DNM3: variants seen among roughly 807,000 people sequenced by gnomAD.
DNM3 encodes dynamin 3.
In DNM3, 47 loss-of-function variants were observed where a neutral mutation model predicts 101.6. That is an observed-to-expected ratio of 0.46 (90% confidence interval 0.37 to 0.59). The LOEUF is 0.59. Among genes scored for constraint, DNM3 ranks in the 20% least tolerant of loss-of-function variants. DNM3 has a pLI of 0.00. For synonymous variants in DNM3, 385 were observed against 387.9 expected, an observed-to-expected ratio of 0.99 and a Z score of 0.09; for missense variants, 849 against 1,085.7, an observed-to-expected ratio of 0.78 and a Z score of 3.06.
At chr1:172,166,993 A>G (rs1211324390) in intron 14 of DNM3, among the ~76,000 whole-genome samples, 5 of 151,690 alleles carry the variant, frequency 3.3e-5, no homozygotes, top group African/African-American at 1.2e-4. Flanking sequence ...ATATGTATAC[A>G]TGTGCCATGT....
intron 14 of DNM3, among the ~76,000 whole-genome samples, chr1:172,214,918 C>A (rs1440429389): frequency 1.3e-5 from 2 of 152,002 alleles, no homozygotes; most frequent in Admixed American, 6.6e-5. Context: ...GAAAACAGAT[C>A]TATGGTGTAA....
intron 13 of DNM3, among the ~76,000 whole-genome samples, chr1:172,096,575 A>C (rs1038729917): frequency 5.3e-5 from 8 of 152,204 alleles, no homozygotes; most frequent in African/African-American, 1.9e-4. Flanking sequence ...AAGATTTATG[A>C]TTTAGGTACA....
chr1:172,168,045 T>C (rs968871066), intron 14 of DNM3, among the ~76,000 whole-genome samples: 1 of 152,024 alleles, frequency 6.6e-6, no homozygotes, highest in Admixed American at 6.6e-5. Flanking sequence ...GGAGTAATTA[T>C]ACTCTTTAGC....
rs1205680818 is a variant in DNM3, at chr1:172,060,017, T to C, written c.1336-8802T>C. On this transcript the variant is annotated intron_variant, in intron 10 of 20. Coordinates refer to ENST00000627582, the MANE Select transcript of DNM3 (RefSeq NM_015569.5). ...GCAAAGTCTCAGGATACAAAATCAA[T>C]GTACAGAAATCACAAGCATTCTTAT... is the stretch of plus-strand genomic sequence containing the variant. 2.0e-5 allele frequency among the ~76,000 whole-genome samples: 3 copies of C among 151,648 alleles called. No individual in the cohort carries two copies. In the East Asian group the frequency reaches 5.9e-4, roughly 30 times the overall value.
intron 2 of DNM3, among the ~76,000 whole-genome samples, chr1:171,984,321 T>C (rs926899573): frequency 3.3e-5 from 5 of 151,970 alleles, no homozygotes; most frequent in African/African-American, 1.2e-4. Context: ...CAGCGAAAAA[T>C]CAAAGTCCTT....
At chr1:171,943,940 T>C (rs1426016767) in intron 2 of DNM3, among the ~76,000 whole-genome samples, 1 of 152,236 alleles carries the variant, frequency 6.6e-6, no homozygotes, top group East Asian at 1.9e-4. Flanking sequence ...TATGAATGTA[T>C]TATTGATTTT....
At chr1:172,391,251 A>G (rs1422505873) in intron 20 of DNM3, among the ~76,000 whole-genome samples, 2 of 152,184 alleles carry the variant, frequency 1.3e-5, no homozygotes, top group Non-Finnish European at 2.9e-5. Context: ...GTACAGGGTA[A>G]AAGAGGAAAG....
chr1:172,207,140 G>A (rs1232901975), intron 14 of DNM3, among the ~76,000 whole-genome samples: 1 of 152,006 alleles, frequency 6.6e-6, no homozygotes, highest in Non-Finnish European at 1.5e-5. Context: ...TACTGCCTGA[G>A]GCAAGTAATT....
intron 13 of DNM3, among the ~76,000 whole-genome samples, chr1:172,120,975 T>C (rs545515293): frequency 1.3e-5 from 2 of 152,348 alleles, no homozygotes; most frequent in East Asian, 3.9e-4. Context: ...AGGTGTTTTT[T>C]TTCTTCCTCT....
intron 15 of DNM3, among the ~76,000 whole-genome samples, chr1:172,283,711 G>A (rs2063576460): frequency 7.5e-6 from 1 of 133,070 alleles, no homozygotes. Flanking sequence ...AGTGAGCTGA[G>A]ATCATGCCAC....
At chr1:172,387,412 C>G in intron 19 of DNM3, 53 bp downstream of exon 19, 1 of 1,467,726 alleles carries the variant, frequency 6.8e-7, no homozygotes, top group South Asian at 1.2e-5. Flanking sequence ...AATCCCAGCA[C>G]TTTGAGAGGC....
At chr1:171,978,251 A>C (rs974748962) in intron 2 of DNM3, among the ~76,000 whole-genome samples, 1 of 152,190 alleles carries the variant, frequency 6.6e-6, no homozygotes, top group Non-Finnish European at 1.5e-5. Context: ...CGAAGAAAAA[A>C]ACTGGGCAAT....
intron 14 of DNM3, among the ~76,000 whole-genome samples, chr1:172,244,111 C>T (rs545668552): frequency 5.4e-4 from 82 of 151,922 alleles, no homozygotes; most frequent in African/African-American, 1.8e-3. Context: ...TGAGAATATG[C>T]GGTGTTTGGT....
chr1:171,989,635 A>G (rs2045506109), intron 4 of DNM3, among the ~76,000 whole-genome samples: 1 of 152,184 alleles, frequency 6.6e-6, no homozygotes, highest in Non-Finnish European at 1.5e-5. Context: ...AAATGTACGT[A>G]TAAGCAGGGA....
intron 2 of DNM3, among the ~76,000 whole-genome samples, chr1:171,943,936 T>A (rs1045927598): frequency 1.3e-5 from 2 of 152,206 alleles, no homozygotes; most frequent in African/African-American, 2.4e-5. Context: ...CCCCTATGAA[T>A]GTATTATTGA....
intron 14 of DNM3, among the ~76,000 whole-genome samples, chr1:172,193,399 CT>C (rs1300334881): frequency 6.6e-6 from 1 of 152,116 alleles, no homozygotes; most frequent in East Asian, 1.9e-4. Flanking sequence ...AGGATTCCCT[CT>C]TTTTCTATTG....
intron 1 of DNM3, among the ~76,000 whole-genome samples, chr1:171,907,612 G>C (rs537073637): frequency 2.6e-5 from 4 of 152,012 alleles, no homozygotes; most frequent in Non-Finnish European, 5.9e-5. Context: ...GTGATCTGGC[G>C]CCCCTTTCTT....
chr1:172,346,254 CCAGA>C (rs774772619), intron 17 of DNM3, among the ~76,000 whole-genome samples: 1 of 151,932 alleles, frequency 6.6e-6, no homozygotes, highest in Non-Finnish European at 1.5e-5. Context: ...AGAATGCATC[CCAGA>C]CAGAGTAACA....
At chr1:171,889,229 A>G (rs1304007769) in intron 1 of DNM3, among the ~76,000 whole-genome samples, 1 of 151,992 alleles carries the variant, frequency 6.6e-6, no homozygotes, top group African/African-American at 2.4e-5. Context: ...TCCTCCCACC[A>G]TGGCCTCCCA....
Sources: allele counts gnomAD v4.1 joint callset (sites outside exome capture counted in the v4.1 genomes callset), GRCh38; gene constraint gnomAD v4.1.1; transcripts MANE v1.5; gene names NCBI Gene and HGNC (gene_info 2026-07-23, HGNC 2026-07-21).